HIKESHI: variants seen among roughly 807,000 people sequenced by gnomAD.
HIKESHI encodes the protein heat shock protein nuclear import factor hikeshi.
Under a neutral mutation model 25.7 loss-of-function variants are expected in HIKESHI, and 13 were observed. The observed-to-expected ratio is 0.51, with a 90% CI of 0.33 to 0.80. The LOEUF (loss-of-function observed/expected upper bound fraction) is 0.80, where lower values mean the gene tolerates loss of function less well. Among genes scored for constraint, HIKESHI ranks in the 30% least tolerant of loss-of-function variants. The probability of loss-of-function intolerance (pLI) is 0.02; values close to 1 mark genes in which losing one functional copy is unlikely to be tolerated. For synonymous variants in HIKESHI, 76 were observed against 78.7 expected, an observed-to-expected ratio of 0.97 and a Z score of 0.18; for missense variants, 174 against 229.5, an observed-to-expected ratio of 0.76 and a Z score of 1.56.
intron 2 of HIKESHI, among the ~76,000 whole-genome samples, chr11:86,328,135 G>GT (rs1431800152): frequency 6.6e-6 from 1 of 152,142 alleles, no homozygotes; most frequent in Non-Finnish European, 1.5e-5. Flanking sequence ...AATCTAGAAA[G>GT]TTTTTATTGT....
intron 4 of HIKESHI, 140 bp from the exon 5 acceptor site, chr11:86,345,444 T>G: frequency 1.7e-6 from 1 of 579,976 alleles, no homozygotes; most frequent in Non-Finnish European, 3.0e-6. Flanking sequence ...AATAATTACA[T>G]TTCCAGATTA....
At position 86,326,621 on chromosome 11, in the gene HIKESHI, G is replaced by C. The variant is rs137961038; in HGVS notation, c.269-10758G>C. ...CAGAGGAGACAGAATAGTGAGCTGA[G>C]ATAAATGAGAATCTCTCTATGGAAG... On this transcript the variant is annotated intron_variant, in intron 2 of 4. Coordinates refer to ENST00000278483, the MANE Select transcript of HIKESHI (RefSeq NM_016401.4). The C allele has an allele frequency of 2.3e-3, 1,041 of 451,724 alleles. 9 individuals carry two copies. Among genetic ancestry groups the C allele is most frequent in the Middle Eastern group, 0.015 (41 of 2,772 alleles). 28.0% of individuals were successfully genotyped at this position (451,724 alleles called of 1,614,324 possible). A position where few individuals can be genotyped will look rare whatever the true frequency, so the allele number is the denominator to read the frequency against.
At chr11:86,334,063 A>G (rs1947485192) in intron 2 of HIKESHI, among the ~76,000 whole-genome samples, 1 of 152,228 alleles carries the variant, frequency 6.6e-6, no homozygotes, top group Non-Finnish European at 1.5e-5. Flanking sequence ...ATGTTTATCC[A>G]TGATGGTTGA....
chr11:86,306,873 G>A (rs1161463518), intron 2 of HIKESHI, among the ~76,000 whole-genome samples: 3 of 151,334 alleles, frequency 2.0e-5, no homozygotes, highest in Admixed American at 6.6e-5. Flanking sequence ...GGTGGTGGGC[G>A]CCTGTAGTCC....
intron 2 of HIKESHI, among the ~76,000 whole-genome samples, chr11:86,308,641 A>G (rs1388468787): frequency 6.6e-6 from 1 of 151,290 alleles, no homozygotes; most frequent in African/African-American, 2.4e-5. Context: ...ACATATGTAT[A>G]CATGTGCCAT....
At chr11:86,333,572 A>G (rs189253919) in intron 2 of HIKESHI, among the ~76,000 whole-genome samples, 1 of 152,164 alleles carries the variant, frequency 6.6e-6, no homozygotes, top group East Asian at 1.9e-4. Context: ...AAAAAAAAGA[A>G]AAGAAATATG....
intron 3 of HIKESHI, among the ~76,000 whole-genome samples, chr11:86,339,068 C>T (rs377505065): frequency 9.2e-5 from 14 of 152,060 alleles, no homozygotes; most frequent in East Asian, 5.8e-4. Context: ...CTCTTTGAGA[C>T]GGAGTCTCAC....
At chr11:86,319,243 T>TATATA (rs1491256643) in intron 2 of HIKESHI, among the ~76,000 whole-genome samples, 371 of 36,476 alleles carry the variant, frequency 0.01, 2 homozygotes, top group African/African-American at 0.035. Flanking sequence ...TATATATATA[T>TATATA]TTTTTTTTTT....
chr11:86,331,884 A>G (rs539631212), intron 2 of HIKESHI, among the ~76,000 whole-genome samples: 9 of 152,198 alleles, frequency 5.9e-5, no homozygotes, highest in African/African-American at 2.2e-4. Context: ...TCAAGCAGGC[A>G]TATTTAAGTT....
At chr11:86,325,717 C>A (rs1947262110) in intron 2 of HIKESHI, among the ~76,000 whole-genome samples, 1 of 151,514 alleles carries the variant, frequency 6.6e-6, no homozygotes, top group African/African-American at 2.4e-5. Flanking sequence ...ACTAAAAATA[C>A]AAAAATTAGC....
intron 2 of HIKESHI, among the ~76,000 whole-genome samples, chr11:86,318,480 T>C (rs1050840519): frequency 6.6e-6 from 1 of 151,926 alleles, no homozygotes; most frequent in African/African-American, 2.4e-5. Flanking sequence ...TTTCAGAGAA[T>C]AGAGAAAGAG....
At chr11:86,325,423 T>A (rs1429529455) in intron 2 of HIKESHI, among the ~76,000 whole-genome samples, 1 of 152,108 alleles carries the variant, frequency 6.6e-6, no homozygotes, top group East Asian at 1.9e-4. Flanking sequence ...ATGTGATAAA[T>A]ACATTTTACC....
At chr11:86,308,336 T>A (rs1946735110) in intron 2 of HIKESHI, among the ~76,000 whole-genome samples, 3 of 64,550 alleles carry the variant, frequency 4.6e-5, no homozygotes, top group African/African-American at 2.0e-4. Flanking sequence ...ACATATAAAA[T>A]ATATATTATA....
intron 2 of HIKESHI, 152 bp downstream of exon 2, chr11:86,306,634 A>G: frequency 3.5e-6 from 2 of 565,816 alleles, no homozygotes; most frequent in South Asian, 2.6e-5. Flanking sequence ...CAATACAGAA[A>G]CATTTGAAAA....
At chr11:86,337,340 T>C in intron 2 of HIKESHI, 39 bp from the exon 3 acceptor site, 1 of 1,579,780 alleles carries the variant, frequency 6.3e-7, no homozygotes, top group Non-Finnish European at 8.6e-7. Context: ...TGACTACAAG[T>C]TTAATTTGAA....
intron 2 of HIKESHI, among the ~76,000 whole-genome samples, chr11:86,315,258 G>C (rs1173916060): frequency 1.3e-5 from 2 of 151,986 alleles, no homozygotes; most frequent in Non-Finnish European, 2.9e-5. Flanking sequence ...GACTTATCAA[G>C]AGCATTAATA....
chr11:86,317,712 G>A (rs192260964), intron 2 of HIKESHI, among the ~76,000 whole-genome samples: 2 of 151,912 alleles, frequency 1.3e-5, no homozygotes, highest in Admixed American at 1.3e-4. Flanking sequence ...GACTGAGGTG[G>A]GAGAATCGCT....
chr11:86,316,113 A>G (rs1377110824), intron 2 of HIKESHI, among the ~76,000 whole-genome samples: 1 of 87,650 alleles, frequency 1.1e-5, no homozygotes, highest in Admixed American at 1.5e-4. Context: ...GACTGTCTCC[A>G]TTAAAAAAAA....
intron 2 of HIKESHI, among the ~76,000 whole-genome samples, chr11:86,336,276 T>C (rs758295697): frequency 1.3e-5 from 2 of 152,148 alleles, no homozygotes; most frequent in Non-Finnish European, 2.9e-5. Flanking sequence ...GAGTAACATA[T>C]GGAAAGGCGG....
Sources: allele counts gnomAD v4.1 joint callset (sites outside exome capture counted in the v4.1 genomes callset), GRCh38; gene constraint gnomAD v4.1.1; transcripts MANE v1.5; gene names NCBI Gene and HGNC (gene_info 2026-07-23, HGNC 2026-07-21).